The following TCFL5 variants were observed in gnomAD, a reference collection of about 807,000 sequenced individuals.
TCFL5 encodes transcription factor like 5.
TCFL5 carries 9 observed loss-of-function variants against 44.3 expected under a neutral mutation model. The observed-to-expected ratio is 0.20, with a 90% CI of 0.12 to 0.35. TCFL5 has a LOEUF of 0.35. TCFL5 is among the 10% of genes least tolerant of loss of function. The pLI, the probability that TCFL5 is intolerant of heterozygous loss-of-function variation, is 1.00. For synonymous variants in TCFL5, 319 were observed against 271.6 expected (o/e 1.17, Z -1.72); for missense variants, 603 against 613.4 (o/e 0.98, Z 0.18).
In TCFL5 at chr20:62,841,350, A is replaced by T. The variant is rs1265676081; in HGVS notation, c.*625T>A. On this transcript the variant is annotated 3_prime_UTR_variant, in exon 6 of 6. Transcript: ENST00000335351. ...CATGAAGTAATGAATGACTCTTGGT[A>T]TGAAAACGTGGCATTTAAGCGTCTA... is the stretch of plus-strand genomic sequence containing the variant. 1.3e-5 allele frequency: 2 copies of T among 154,224 alleles called. No individual in the cohort carries two copies. Among genetic ancestry groups the T allele is most frequent in the Non-Finnish European group, 2.9e-5 (2 of 69,422 alleles). 9.6% of individuals were successfully genotyped at this position (154,224 alleles called of 1,614,324 possible).
At chr20:62,856,252 C>CAA (rs11473595) in intron 4 of TCFL5, among the ~76,000 whole-genome samples, 2,158 of 63,626 alleles carry the variant, frequency 0.034, 31 homozygotes, top group African/African-American at 0.045. Context: ...GACTCCGTCT[C>CAA]AAAAAAAAAA....
chr20:62,845,369 C>G, intron 5 of TCFL5: 1 of 1,153,484 alleles, frequency 8.7e-7, no homozygotes, highest in South Asian at 1.8e-5. Flanking sequence ...GTAATCTGCC[C>G]ACCTCAGCTT....
chr20:62,861,155 G>A lies in TCFL5; in HGVS notation c.516C>T (p.Asp172=), dbSNP rs1346263474. 9.9e-6 allele frequency: 10 copies of A among 1,007,768 alleles called. No homozygotes were observed. Among genetic ancestry groups the A allele is most frequent in the African/African-American group, 8.8e-5 (5 of 57,082 alleles). The allele number at this position is 1,007,768 out of a possible 1,614,324, so 62.4% of individuals were successfully genotyped here. A position where few individuals can be genotyped will look rare whatever the true frequency, so the allele number is the denominator to read the frequency against. The change falls in exon 1 of 6, where the codon GAC becomes GAT. Residue 172 remains aspartate (D), a synonymous_variant. Transcript: ENST00000335351. The surrounding 1 kb of genome is among the most constrained non-coding windows in gnomAD (Gnocchi z 4.0). ...AGAAAAAAGP[D]GAPEARAKPA... ...GCTTGGCCCGGGCCTCGGGCGCGCC[G>A]TCGGGTCCAGCCGCAGCCGCAGCCG...
intron 5 of TCFL5, 130 bp downstream of exon 5, chr20:62,853,886 A>C: frequency 1.0e-6 from 1 of 966,924 alleles, no homozygotes; most frequent in Non-Finnish European, 1.6e-6. Context: ...AGCTTTGCTC[A>C]TACTGGACTT....
chr20:62,851,662 A>T (rs936353777), intron 5 of TCFL5: 41 of 985,324 alleles, frequency 4.2e-5, no homozygotes, highest in Non-Finnish European at 4.9e-5. Flanking sequence ...AAACAACTTA[A>T]ATTATGCAAC....
At chr20:62,845,350 T>G (rs1249454377) in intron 5 of TCFL5, 1 of 1,107,984 alleles carries the variant, frequency 9.0e-7, no homozygotes, top group African/African-American at 1.6e-5. Flanking sequence ...CTCGAACTCC[T>G]GACCTCAGGT....
chr20:62,853,954 A>T (rs890772344), intron 5 of TCFL5, 62 bp downstream of exon 5: 54 of 1,569,852 alleles, frequency 3.4e-5, no homozygotes, highest in Non-Finnish European at 4.4e-5. Context: ...CTTAGGAAAA[A>T]GGAGGGACAT....
intron 3 of TCFL5, 131 bp downstream of exon 3, chr20:62,859,233 C>T: frequency 1.2e-6 from 1 of 830,930 alleles, no homozygotes; most frequent in East Asian, 2.6e-5. Context: ...CCCTGAGATA[C>T]ACAGACACCT....
At position 62,861,742 on chromosome 20, in the gene TCFL5, G is replaced by T. The variant is rs2064018588; in HGVS notation, c.-72C>A. Reference sequence around the variant, plus strand: ...GGCGGCGGGAGGCGGGAGGCGGGAGGCGGGAGGCGACCCCCGGCCCGAGCA... The same window carrying T: ...GGCGGCGGGAGGCGGGAGGCGGGAGTCGGGAGGCGACCCCCGGCCCGAGCA... On this transcript the variant is annotated 5_prime_UTR_variant, in exon 1 of 6. Transcript: ENST00000335351. This position sits in a 1 kb window ranked among gnomAD's most constrained non-coding sequence, Gnocchi z 4.0. 6.9e-6 allele frequency: 1 copy of T among 145,896 alleles called. No homozygotes were observed. The highest frequency in any genetic ancestry group is 1.5e-5 in the Non-Finnish European group (1 of 66,168). The allele number at this position is 145,896 out of a possible 1,614,324, so 9.0% of individuals were successfully genotyped here.
intron 5 of TCFL5, among the ~76,000 whole-genome samples, chr20:62,848,630 C>A (rs372711611): frequency 6.6e-6 from 1 of 151,424 alleles, no homozygotes; most frequent in African/African-American, 2.4e-5. Context: ...CCCAGCTACT[C>A]GGGAGGCTGA....
In TCFL5 at chr20:62,861,219, C is replaced by G; in HGVS notation, c.452G>C (p.Arg151Thr). Reference sequence around the variant, plus strand: ...CTTGGCGGCGCCGTCGGCCCGGGCCCTCGCTCCGTCCCCGCCGCCCGACGT... The same window carrying G: ...CTTGGCGGCGCCGTCGGCCCGGGCCGTCGCTCCGTCCCCGCCGCCCGACGT... The part of the protein sequence containing the change: ...EKTSGGGDGA[R>T]ARADGAAKEG... The change falls in exon 1 of 6, where the codon AGG becomes ACG. Residue 151 changes from arginine (R) to threonine (T), a missense_variant. Physicochemically the swap from Arg to Thr is moderately conservative, Grantham distance 71. Transcript: ENST00000335351. This position sits in a 1 kb window ranked among gnomAD's most constrained non-coding sequence, Gnocchi z 4.0. The G allele has an allele frequency of 8.7e-7, 1 of 1,145,192 alleles. No individual in the cohort carries two copies. Among genetic ancestry groups the G allele is most frequent in the Non-Finnish European group, 1.1e-6 (1 of 920,094 alleles). 70.9% of individuals were successfully genotyped at this position (1,145,192 alleles called of 1,614,324 possible).
intron 5 of TCFL5, among the ~76,000 whole-genome samples, chr20:62,850,823 C>T (rs1250798565): frequency 1.3e-5 from 2 of 152,216 alleles, no homozygotes; most frequent in East Asian, 1.9e-4. Flanking sequence ...CTGCCAGCTC[C>T]CTGTCATCAT....
intron 2 of TCFL5, 102 bp from the exon 3 acceptor site, chr20:62,859,628 C>A (rs554278281): frequency 2.7e-6 from 3 of 1,091,272 alleles, no homozygotes; most frequent in Non-Finnish European, 3.9e-6. Context: ...ACTACTAACA[C>A]GTAATTTGAA....
At position 62,861,460 on chromosome 20, in the gene TCFL5, C is replaced by T. The variant is rs777746201; in HGVS notation, c.211G>A (p.Gly71Ser). ...LCSHMEAAADGELETRLNSAL... is the reference protein window; with the variant it reads ...LCSHMEAAADSELETRLNSAL... ...GAGTTGAGGCGCGTCTCGAGCTCGC[C>T]GTCAGCCGCCGCCTCCATGTGCGAG... Residue 71 changes from glycine (G) to serine (S), a missense_variant, in exon 1 of 6, where the codon GGC (glycine) becomes AGC (serine). Transcript: ENST00000335351. The surrounding 1 kb of genome is among the most constrained non-coding windows in gnomAD (Gnocchi z 4.0). The T allele has an allele frequency of 1.7e-5, 20 of 1,182,074 alleles. No individual in the cohort carries two copies. In the East Asian group the frequency reaches 3.1e-4, roughly 19 times the overall value. 73.2% of individuals were successfully genotyped at this position (1,182,074 alleles called of 1,614,324 possible).
chr20:62,851,410 A>G (rs1450434633), intron 5 of TCFL5: 22 of 632,042 alleles, frequency 3.5e-5, no homozygotes, highest in Non-Finnish European at 4.1e-5. Context: ...TAATTTCAAA[A>G]ATTATAAATG....
chr20:62,843,623 T>C (rs983219143), intron 5 of TCFL5, among the ~76,000 whole-genome samples: 6 of 152,194 alleles, frequency 3.9e-5, no homozygotes, highest in African/African-American at 1.4e-4. Context: ...AGCATAAAAT[T>C]TGCCTTTTAA....
intron 5 of TCFL5, chr20:62,844,911 T>C (rs2063722505): frequency 2.0e-6 from 2 of 984,968 alleles, no homozygotes; most frequent in Middle Eastern, 5.2e-4. Flanking sequence ...AGTCTTTTTG[T>C]TGCTGAGTTG....
intron 2 of TCFL5, among the ~76,000 whole-genome samples, chr20:62,859,832 C>A (rs987753625): frequency 6.6e-6 from 1 of 151,886 alleles, no homozygotes; most frequent in African/African-American, 2.4e-5. Context: ...GCGATTCTCC[C>A]GCCTCAGCCT....
chr20:62,859,722 T>G (rs1396453662), intron 2 of TCFL5, among the ~76,000 whole-genome samples, 196 bp from the exon 3 acceptor site: 52 of 118,418 alleles, frequency 4.4e-4, no homozygotes, highest in Admixed American at 2.0e-3. Context: ...TGTTTTTGTT[T>G]TTTTGTTTTT....
Sources: gnomAD v4.1 joint callset for allele counts (sites outside exome capture counted in the v4.1 genomes callset) on GRCh38, gnomAD v4.1.1 for gene constraint, Gnocchi (gnomAD v3.1) non-coding constraint, MANE v1.5 for transcripts, NCBI Gene and HGNC (gene_info 2026-07-23, HGNC 2026-07-21) for gene names.